The following GRM5 variants were observed in gnomAD, a reference collection of about 807,000 sequenced individuals.
GRM5 encodes metabotropic glutamate receptor 5.
A neutral mutation model predicts 83.1 loss-of-function variants in GRM5; 19 were observed. The observed-to-expected ratio is 0.23, with a 90% CI of 0.16 to 0.34. The LOEUF is 0.34. Ranked by LOEUF, GRM5 falls within the 10% of genes least tolerant of loss-of-function variation. The pLI is 1.00. For missense variants in GRM5, 1,160 were observed against 1,588.3 expected (o/e 0.73, Z 4.58); for synonymous variants, 675 against 633.6 (o/e 1.07, Z -0.98).
intron 2 of GRM5, among the ~76,000 whole-genome samples, chr11:89,014,607 T>C (rs1293724085): frequency 4.6e-5 from 7 of 152,146 alleles, no homozygotes; most frequent in Admixed American, 3.9e-4. Context: ...AGACCTACTA[T>C]TTGATAGCAC....
At chr11:88,751,388 T>C (rs1234933809) in intron 3 of GRM5, among the ~76,000 whole-genome samples, 1 of 152,070 alleles carries the variant, frequency 6.6e-6, no homozygotes, top group African/African-American at 2.4e-5. Flanking sequence ...ACATACACCC[T>C]CTCAAGACTG....
intron 3 of GRM5, among the ~76,000 whole-genome samples, chr11:88,844,972 C>A (rs1257718099): frequency 6.6e-6 from 1 of 152,158 alleles, no homozygotes; most frequent in African/African-American, 2.4e-5. Context: ...GGTGAAGTTG[C>A]TATAAGCATT....
At chr11:88,732,241 C>T (rs936918039) in intron 3 of GRM5, among the ~76,000 whole-genome samples, 1 of 152,046 alleles carries the variant, frequency 6.6e-6, no homozygotes, top group Non-Finnish European at 1.5e-5. Context: ...AATTTCTACA[C>T]TTCAAGAATC....
chr11:88,868,396 A>T (rs1944707202), intron 2 of GRM5, among the ~76,000 whole-genome samples: 1 of 151,774 alleles, frequency 6.6e-6, no homozygotes, highest in South Asian at 2.1e-4. Flanking sequence ...TAACATTTTC[A>T]TAAGGTGGTT....
intron 2 of GRM5, among the ~76,000 whole-genome samples, chr11:88,974,189 TG>T (rs796231952): frequency 7.2e-5 from 11 of 152,282 alleles, no homozygotes; most frequent in African/African-American, 2.4e-4. Context: ...AAGCAGATGT[TG>T]TTTTAGGTAT....
chr11:88,562,917 T>C (rs1232819496), intron 8 of GRM5, among the ~76,000 whole-genome samples: 3 of 152,140 alleles, frequency 2.0e-5, no homozygotes, highest in Non-Finnish European at 2.9e-5. Flanking sequence ...AAGTACACAA[T>C]GTATGGAACC....
intron 2 of GRM5, among the ~76,000 whole-genome samples, chr11:88,896,603 A>G (rs1945231945): frequency 6.6e-6 from 1 of 151,922 alleles, no homozygotes. Flanking sequence ...TTGAGACTGA[A>G]GAAGACCAGT....
At chr11:88,549,807 T>G (rs901454546) in intron 8 of GRM5, among the ~76,000 whole-genome samples, 1 of 152,108 alleles carries the variant, frequency 6.6e-6, no homozygotes, top group African/African-American at 2.4e-5. Context: ...TTCTAAGGCA[T>G]GTATACCCGC....
chr11:88,913,281 C>G (rs562604211), intron 2 of GRM5, among the ~76,000 whole-genome samples: 2 of 152,218 alleles, frequency 1.3e-5, no homozygotes, highest in African/African-American at 4.8e-5. Context: ...CTGTGCCTCT[C>G]TATTCTCACC....
At chr11:88,588,054 T>C (rs1943355269) in intron 7 of GRM5, among the ~76,000 whole-genome samples, 1 of 152,222 alleles carries the variant, frequency 6.6e-6, no homozygotes, top group African/African-American at 2.4e-5. Context: ...GACAGATCTG[T>C]ATTTTGGATA....
rs905668125 is a variant in GRM5, at chr11:88,762,760, G to A, written c.911+87146C>T. 5.3e-5 allele frequency among the ~76,000 whole-genome samples: 8 copies of A among 151,794 alleles called. No individual in the cohort carries two copies. In the Admixed American group the frequency reaches 5.3e-4, roughly 10 times the overall value. ...TTATTCATAATAGTAAAGACATGGAGTCAACCTAAATGGCCATCAGTAGTA... is the reference window on the plus strand; with the variant it reads ...TTATTCATAATAGTAAAGACATGGAATCAACCTAAATGGCCATCAGTAGTA... On this transcript the variant is annotated intron_variant, in intron 3 of 9. Coordinates refer to ENST00000305447, the MANE Select transcript of GRM5 (RefSeq NM_001143831.3).
intron 4 of GRM5, among the ~76,000 whole-genome samples, chr11:88,619,298 GCC>G (rs2135254025): frequency 6.6e-6 from 1 of 152,324 alleles, no homozygotes; most frequent in South Asian, 2.1e-4. Context: ...AAGAAAGGAA[GCC>G]CTTGGGCTGA....
intron 4 of GRM5, among the ~76,000 whole-genome samples, chr11:88,623,632 G>C (rs1351328285): frequency 6.6e-6 from 1 of 152,156 alleles, no homozygotes; most frequent in African/African-American, 2.4e-5. Flanking sequence ...CAAGCAATGG[G>C]AATGTAACCC....
rs999086877 is a variant in GRM5 at position 88,893,384 on chromosome 11, G to A, written c.662-43229C>T. On this transcript the variant is annotated intron_variant, in intron 2 of 9. Transcript: ENST00000305447. The stretch of plus-strand genomic sequence containing the variant: ...AGATTTGAGCATGTTATAGATGGTT[G>A]TGGAAGTCATGAAAAGATTACAAGG... 7.9e-5 allele frequency among the ~76,000 whole-genome samples: 12 copies of A among 151,990 alleles called. 1 individual carries two copies. The highest frequency in any genetic ancestry group is 3.3e-4 in the Admixed American group (5 of 15,216).
chr11:88,708,648 G>A (rs956631550), intron 3 of GRM5, among the ~76,000 whole-genome samples: 6 of 151,946 alleles, frequency 3.9e-5, no homozygotes, highest in Non-Finnish European at 7.4e-5. Context: ...CCCACACTAA[G>A]CCTCAAACAT....
At chr11:88,853,715 A>C (rs1944424805) in intron 2 of GRM5, among the ~76,000 whole-genome samples, 1 of 56,422 alleles carries the variant, frequency 1.8e-5, no homozygotes. Flanking sequence ...ATAAAAAAAT[A>C]AACTAGCATA....
At chr11:88,733,752 C>T (rs1454395628) in intron 3 of GRM5, among the ~76,000 whole-genome samples, 2 of 152,060 alleles carry the variant, frequency 1.3e-5, no homozygotes, top group South Asian at 4.1e-4. Context: ...ATAAACTTCT[C>T]GAGAACGTGT....
intron 3 of GRM5, among the ~76,000 whole-genome samples, chr11:88,662,560 A>G (rs1939935482): frequency 6.6e-6 from 1 of 152,134 alleles, no homozygotes. Flanking sequence ...TTAAAGATGT[A>G]TTTTAGGTTC....
Position 88,509,017 on chromosome 11 carries a change from T to C in GRM5, c.3214A>G (p.Ile1072Val). Residue 1072 changes from isoleucine (I) to valine (V), a missense_variant, in exon 10 of 10, where the codon ATC becomes GTC. Ile to Val is a conservative substitution (Grantham distance 29). This residue lies in a region of GRM5 where 562 missense variants were observed against 532.4 expected (regional missense o/e 1.06). Transcript: ENST00000305447. ...AGCATCATGGAGTTGAGCTCGCTGA[T>C]GTTGGCCGTGAAGCGGGTGACCACA... ...SSVVTRFTAN[I>V]SELNSMMLST... The C allele has an allele frequency of 6.4e-7, 1 of 1,571,726 alleles. No individual in the cohort carries two copies. The highest frequency in any genetic ancestry group is 1.2e-5 in the South Asian group (1 of 85,710).
Sources: gnomAD v4.1 joint callset for allele counts (sites outside exome capture counted in the v4.1 genomes callset) on GRCh38, gnomAD v4.1.1 for gene constraint, gnomAD v4.1.1 regional missense constraint, MANE v1.5 for transcripts, NCBI Gene and HGNC (gene_info 2026-07-23, HGNC 2026-07-21) for gene names.